The following NHLRC2 variants were observed in gnomAD, a reference collection of about 807,000 sequenced individuals.
NHLRC2 encodes NHL repeat-containing protein 2.
A neutral mutation model predicts 68.1 loss-of-function variants in NHLRC2; 33 were observed. The observed-to-expected ratio is 0.48, with a 90% CI of 0.37 to 0.65. The LOEUF (loss-of-function observed/expected upper bound fraction) is 0.65. NHLRC2 is among the 30% of genes least tolerant of loss of function. The pLI is 0.00. For missense variants in NHLRC2, 761 were observed against 853.8 expected, an observed-to-expected ratio of 0.89 and a Z score of 1.35; for synonymous variants, 311 against 309.6, an observed-to-expected ratio of 1.00 and a Z score of -0.05.
chr10:113,869,931 A>G (rs1263793424), intron 2 of NHLRC2, among the ~76,000 whole-genome samples: 2 of 152,060 alleles, frequency 1.3e-5, no homozygotes, highest in Admixed American at 6.6e-5. Flanking sequence ...CTTCCTTACT[A>G]AATACACCAA....
intron 2 of NHLRC2, among the ~76,000 whole-genome samples, chr10:113,865,373 TGTG>T (rs1272983393): frequency 1.3e-5 from 2 of 148,854 alleles, no homozygotes; most frequent in Non-Finnish European, 3.0e-5. Context: ...CACTTGTTAA[TGTG>T]GTGGAGAATA....
At chr10:113,871,984 C>T (rs6585248) in intron 2 of NHLRC2, among the ~76,000 whole-genome samples, 116,385 of 152,042 alleles carry the variant, frequency 0.77, 44,709 homozygotes, top group Admixed American at 0.84. Flanking sequence ...TGAGAACAAG[C>T]AGAGTGGTTC....
At chr10:113,892,949 C>A (rs1846145770) in intron 5 of NHLRC2, among the ~76,000 whole-genome samples, 1 of 152,084 alleles carries the variant, frequency 6.6e-6, no homozygotes, top group African/African-American at 2.4e-5. Flanking sequence ...GCATAGAAAG[C>A]ATAATATAAT....
chr10:113,906,845 G>A (rs1367374404), intron 10 of NHLRC2, among the ~76,000 whole-genome samples: 1 of 152,136 alleles, frequency 6.6e-6, no homozygotes, highest in Non-Finnish European at 1.5e-5. Flanking sequence ...AAAATTAGCC[G>A]AGTGTGGTAG....
intron 5 of NHLRC2, among the ~76,000 whole-genome samples, chr10:113,886,882 CA>C (rs1463349833): frequency 6.6e-6 from 1 of 152,114 alleles, no homozygotes; most frequent in Non-Finnish European, 1.5e-5. Flanking sequence ...GGGATTGCAT[CA>C]AACTAAAAAG....
Position 113,915,125 on chromosome 10 carries a change from T to C in NHLRC2, c.*6589T>C. On this transcript the variant is annotated 3_prime_UTR_variant, in exon 11 of 11. Transcript: ENST00000369301. The stretch of plus-strand genomic sequence containing the variant: ...AAAACCCTAGACACTTGCTGTGGAA[T>C]GTTTGCCTGGTTGTATTGGTGTGTC... 1 of 456,328 alleles carries C rather than the reference T, an allele frequency of 2.2e-6. No homozygotes were observed. The highest frequency in any genetic ancestry group is 1.5e-5 in the South Asian group (1 of 64,572). 28.3% of individuals were successfully genotyped at this position (456,328 alleles called of 1,614,324 possible).
chr10:113,904,738 T>C (rs980844871), intron 9 of NHLRC2, 79 bp from the exon 10 acceptor site: 2 of 1,056,244 alleles, frequency 1.9e-6, no homozygotes, highest in African/African-American at 3.2e-5. Context: ...ATTATTCTAC[T>C]AAAGTCTAAA....
At chr10:113,856,731 C>T (rs1201693043) in intron 1 of NHLRC2, among the ~76,000 whole-genome samples, 2 of 152,154 alleles carry the variant, frequency 1.3e-5, no homozygotes, top group Non-Finnish European at 2.9e-5. Context: ...TTGTGTTTAA[C>T]ACAGTATGAT....
chr10:113,864,709 A>C (rs1280781699), intron 2 of NHLRC2, among the ~76,000 whole-genome samples: 3 of 140,780 alleles, frequency 2.1e-5, no homozygotes, highest in African/African-American at 2.5e-5. Flanking sequence ...AAAAAAAAAA[A>C]CCACACACAC....
At chr10:113,904,688 C>T in intron 9 of NHLRC2, 129 bp from the exon 10 acceptor site, 1 of 686,308 alleles carries the variant, frequency 1.5e-6, no homozygotes, top group East Asian at 2.7e-5. Flanking sequence ...CATTCTAATT[C>T]AAACTAGAAT....
rs1846312652 is a variant in NHLRC2 at position 113,910,091 on chromosome 10, A to G, written c.*1555A>G. The G allele has an allele frequency of 1.3e-5, 2 of 152,220 alleles. No individual in the cohort carries two copies. Among genetic ancestry groups the G allele is most frequent in the African/African-American group, 4.8e-5 (2 of 41,462 alleles). The allele number at this position is 152,220 out of a possible 1,614,324, so 9.4% of individuals were successfully genotyped here. A position where few individuals can be genotyped will look rare whatever the true frequency, so the allele number is the denominator to read the frequency against. On this transcript the variant is annotated 3_prime_UTR_variant, in exon 11 of 11. Transcript: ENST00000369301. Reference sequence around the variant, plus strand: ...ATTAAAAGGAATCCTGTTTAAAATTATATGTAATTACCTCATAAACCTTTT... The same window carrying G: ...ATTAAAAGGAATCCTGTTTAAAATTGTATGTAATTACCTCATAAACCTTTT...
intron 2 of NHLRC2, among the ~76,000 whole-genome samples, chr10:113,864,498 G>A (rs929109018): frequency 3.3e-5 from 5 of 152,118 alleles, no homozygotes; most frequent in African/African-American, 1.2e-4. Flanking sequence ...AAGAGATGGA[G>A]ACCATCCTGG....
At chr10:113,879,020 G>C (rs773101121) in intron 3 of NHLRC2, among the ~76,000 whole-genome samples, 1 of 152,150 alleles carries the variant, frequency 6.6e-6, no homozygotes, top group Non-Finnish European at 1.5e-5. Flanking sequence ...TGTAAAAACT[G>C]AGAGGTGGAC....
chr10:113,893,217 G>C lies in NHLRC2; in HGVS notation c.1040-4893G>C, dbSNP rs541069232. ...AGATCCCTGTTTCTGATCACAGACA[G>C]AAATGCACTTGAGTACTTGTTACCA... On this transcript the variant is annotated intron_variant, in intron 5 of 10. Transcript: ENST00000369301. 1.1e-4 allele frequency among the ~76,000 whole-genome samples: 17 copies of C among 152,256 alleles called. No individual in the cohort carries two copies. The East Asian group carries it at 3.3e-3, about 29-fold the overall frequency.
chr10:113,883,584 T>G (rs531866420), intron 4 of NHLRC2, among the ~76,000 whole-genome samples: 1 of 152,056 alleles, frequency 6.6e-6, no homozygotes, highest in South Asian at 2.1e-4. Context: ...CAATACATTG[T>G]TGGGGAGAGG....
intron 5 of NHLRC2, among the ~76,000 whole-genome samples, chr10:113,884,677 A>G (rs1465037525): frequency 6.6e-6 from 1 of 151,358 alleles, no homozygotes; most frequent in Non-Finnish European, 1.5e-5. Flanking sequence ...AATTTCTTAT[A>G]CTGAAAGGAT....
At chr10:113,902,447 CT>C in intron 7 of NHLRC2, 23 bp from the exon 8 acceptor site, 1 of 1,477,290 alleles carries the variant, frequency 6.8e-7, no homozygotes, top group Non-Finnish European at 9.2e-7. Context: ...ACTGCTGTTT[CT>C]TTTCTTTTAA....
intron 3 of NHLRC2, among the ~76,000 whole-genome samples, chr10:113,878,134 G>T (rs1023285746): frequency 2.0e-5 from 3 of 152,040 alleles, no homozygotes; most frequent in African/African-American, 7.2e-5. Flanking sequence ...ATACACTCAG[G>T]AAACACTTTT....
At position 113,911,334 on chromosome 10, in the gene NHLRC2, G is replaced by T. The variant is rs1405934237; in HGVS notation, c.*2798G>T. 1 of 151,988 alleles carries T rather than the reference G, an allele frequency of 6.6e-6. No individual in the cohort carries two copies. The highest frequency in any genetic ancestry group is 1.5e-5 in the Non-Finnish European group (1 of 67,958). The allele number at this position is 151,988 out of a possible 1,614,324, so 9.4% of individuals were successfully genotyped here. On this transcript the variant is annotated 3_prime_UTR_variant, in exon 11 of 11. Transcript: ENST00000369301. ...TGTCTTAAGCAAATATTTAACAAGAGAAAACTTTGTAGTTTAATCACCCAT... is the reference window on the plus strand; with the variant it reads ...TGTCTTAAGCAAATATTTAACAAGATAAAACTTTGTAGTTTAATCACCCAT...
Sources: allele counts gnomAD v4.1 joint callset (sites outside exome capture counted in the v4.1 genomes callset), GRCh38; gene constraint gnomAD v4.1.1; transcripts MANE v1.5; gene names NCBI Gene and HGNC (gene_info 2026-07-23, HGNC 2026-07-21).